Variants in NALF1 observed in about 807,000 individuals in gnomAD.
NALF1 encodes the protein family with sequence similarity 155 member A.
Under a neutral mutation model 48.4 loss-of-function variants are expected in NALF1, and 3 were observed. The ratio of observed to expected loss-of-function variants is 0.06; its 90% CI spans 0.03 to 0.16. The LOEUF is 0.16. Among genes scored for constraint, NALF1 ranks in the 10% least tolerant of loss-of-function variants. The pLI, the probability that NALF1 is intolerant of heterozygous loss-of-function variation, is 1.00. For missense variants in NALF1, 526 were observed against 571.5 expected (o/e 0.92, Z 0.81); for synonymous variants, 262 against 245.7 (o/e 1.07, Z -0.62).
At chr13:107,377,830 G>T (rs908564056) in intron 1 of NALF1, among the ~76,000 whole-genome samples, 1 of 152,058 alleles carries the variant, frequency 6.6e-6, no homozygotes, top group African/African-American at 2.4e-5. Flanking sequence ...CTAGCAGTTT[G>T]TACTACATTT....
intron 1 of NALF1, among the ~76,000 whole-genome samples, chr13:107,307,149 A>G (rs960532135): frequency 6.6e-6 from 1 of 152,204 alleles, no homozygotes; most frequent in African/African-American, 2.4e-5. Flanking sequence ...AGGGCTCTAA[A>G]TCATTTTAAT....
intron 1 of NALF1, among the ~76,000 whole-genome samples, chr13:107,574,666 G>A (rs1297779560): frequency 6.6e-6 from 1 of 152,158 alleles, no homozygotes; most frequent in Admixed American, 6.5e-5. Context: ...CCTGTTGGTA[G>A]CAGATCAAAG....
At chr13:107,838,025 C>T (rs1004261358) in intron 1 of NALF1, among the ~76,000 whole-genome samples, 2 of 152,098 alleles carry the variant, frequency 1.3e-5, no homozygotes, top group Non-Finnish European at 2.9e-5. Flanking sequence ...TGAGTAAAAG[C>T]GACTACGACT....
intron 1 of NALF1, among the ~76,000 whole-genome samples, chr13:107,810,162 C>G (rs1878944030): frequency 6.6e-6 from 1 of 152,108 alleles, no homozygotes; most frequent in African/African-American, 2.4e-5. Context: ...TTCTCCATCT[C>G]TGTAGAAATT....
At chr13:107,535,605 T>C (rs1349560216) in intron 1 of NALF1, among the ~76,000 whole-genome samples, 2 of 152,178 alleles carry the variant, frequency 1.3e-5, no homozygotes, top group Non-Finnish European at 2.9e-5. Context: ...GAACATTCCA[T>C]GCTCATGGAT....
intron 1 of NALF1, among the ~76,000 whole-genome samples, chr13:107,337,553 C>T (rs1339628865): frequency 6.6e-6 from 1 of 152,040 alleles, no homozygotes; most frequent in African/African-American, 2.4e-5. Flanking sequence ...AATACTTTTC[C>T]TTCACATCAT....
At chr13:107,726,503 T>C (rs573254560) in intron 1 of NALF1, among the ~76,000 whole-genome samples, 6 of 152,298 alleles carry the variant, frequency 3.9e-5, no homozygotes, top group African/African-American at 1.4e-4. Context: ...AGCTATGTGA[T>C]GTAAAGAAAG....
At chr13:107,319,254 T>C (rs1014239317) in intron 1 of NALF1, among the ~76,000 whole-genome samples, 3 of 152,070 alleles carry the variant, frequency 2.0e-5, no homozygotes, top group African/African-American at 7.2e-5. Flanking sequence ...CAAAAGAATG[T>C]TGAACTGGTG....
chr13:107,549,690 A>C (rs1246555052), intron 1 of NALF1, among the ~76,000 whole-genome samples: 1 of 152,198 alleles, frequency 6.6e-6, no homozygotes, highest in Non-Finnish European at 1.5e-5. Flanking sequence ...TTACCACTAC[A>C]TACTTAAATG....
chr13:107,249,041 G>A (rs1380665943), intron 1 of NALF1, among the ~76,000 whole-genome samples: 1 of 151,656 alleles, frequency 6.6e-6, no homozygotes, highest in Non-Finnish European at 1.5e-5. Context: ...GTAATGACAT[G>A]GGACAAGTTG....
intron 1 of NALF1, among the ~76,000 whole-genome samples, chr13:107,534,955 G>T (rs1375363033): frequency 6.6e-6 from 1 of 152,106 alleles, no homozygotes; most frequent in Non-Finnish European, 1.5e-5. Context: ...AAGCTTTTAA[G>T]CATCCAGATC....
At chr13:107,517,458 G>A (rs149195011) in intron 1 of NALF1, among the ~76,000 whole-genome samples, 150 of 151,714 alleles carry the variant, frequency 9.9e-4, no homozygotes, top group Non-Finnish European at 1.7e-3. Flanking sequence ...GTGAAACCCC[G>A]TCTCTGCAAA....
At chr13:107,530,894 A>C (rs1220685096) in intron 1 of NALF1, among the ~76,000 whole-genome samples, 1 of 152,056 alleles carries the variant, frequency 6.6e-6, no homozygotes, top group Non-Finnish European at 1.5e-5. Flanking sequence ...ATTGCCTGAA[A>C]TGTGAAAAGA....
chr13:107,523,064 G>T (rs1413432167), intron 1 of NALF1, among the ~76,000 whole-genome samples: 2 of 152,146 alleles, frequency 1.3e-5, no homozygotes, highest in Admixed American at 6.5e-5. Context: ...CTATATGAAT[G>T]GATAAACCAG....
intron 1 of NALF1, among the ~76,000 whole-genome samples, chr13:107,340,305 T>G (rs1409083066): frequency 6.6e-6 from 1 of 151,852 alleles, no homozygotes; most frequent in African/African-American, 2.4e-5. Context: ...CACGCCCGGC[T>G]AATTTTTGTA....
At chr13:107,676,498 G>A (rs551109916) in intron 1 of NALF1, among the ~76,000 whole-genome samples, 3 of 151,800 alleles carry the variant, frequency 2.0e-5, no homozygotes, top group Admixed American at 6.5e-5. Flanking sequence ...GGCTAGCTTA[G>A]GAGGGCTGCC....
intron 1 of NALF1, among the ~76,000 whole-genome samples, chr13:107,227,460 CCAAA>C (rs1880130052): frequency 6.6e-6 from 1 of 152,258 alleles, no homozygotes; most frequent in Non-Finnish European, 1.5e-5. Context: ...TTTAAAGCAT[CCAAA>C]CAGTGATTAA....
chr13:107,390,601 C>A (rs1394027771), intron 1 of NALF1, among the ~76,000 whole-genome samples: 1 of 151,718 alleles, frequency 6.6e-6, no homozygotes, highest in Non-Finnish European at 1.5e-5. Flanking sequence ...AACAAACAAA[C>A]AAAAAAAGCC....
intron 2 of NALF1, among the ~76,000 whole-genome samples, chr13:107,198,643 T>C (rs7317693): frequency 0.38 from 57,872 of 152,072 alleles, 11,313 homozygotes; most frequent in East Asian, 0.48. Flanking sequence ...TTGCTCAGCG[T>C]ATTCCTCTGC....
Sources: gnomAD v4.1 joint callset for allele counts (sites outside exome capture counted in the v4.1 genomes callset) on GRCh38, gnomAD v4.1.1 for gene constraint, MANE v1.5 for transcripts, NCBI Gene and HGNC (gene_info 2026-07-23, HGNC 2026-07-21) for gene names.